DZANK1: variants seen among roughly 807,000 people sequenced by gnomAD.
DZANK1 encodes double zinc ribbon and ankyrin repeat domains 1.
DZANK1 carries 91 observed loss-of-function variants against 94.5 expected under a neutral mutation model. That is an observed-to-expected ratio of 0.96 (90% CI 0.81 to 1.15). DZANK1 has a LOEUF of 1.15. Among genes scored for constraint, DZANK1 ranks in the 50% most tolerant of loss-of-function variants. DZANK1 has a pLI of 0.00. For synonymous variants in DZANK1, 312 were observed against 325.3 expected, an observed-to-expected ratio of 0.96 and a Z score of 0.44; for missense variants, 903 against 916.4, an observed-to-expected ratio of 0.99 and a Z score of 0.19.
intron 18 of DZANK1, 132 bp from the exon 19 acceptor site, chr20:18,389,960 A>T: frequency 7.3e-7 from 1 of 1,361,730 alleles, no homozygotes; most frequent in Non-Finnish European, 9.9e-7. Flanking sequence ...ATCAAAGGAG[A>T]GGAGAATCAG....
In DZANK1 at chr20:18,453,731, C is replaced by A; in HGVS notation, c.475G>T (p.Glu159Ter). The change falls in exon 5 of 21, where the codon GAG becomes TAG. Residue 159 changes from glutamate (E) to a stop codon, truncating the protein, a stop_gained and splice_region_variant. Transcript: ENST00000262547. LOFTEE classifies it high-confidence loss of function. ...TTGTCTTTGTTCTGTCACATCATAC[C>A]TGGAAACTTTCTAAGGTTAACATTC... The A allele has an allele frequency of 6.2e-7, 1 of 1,606,716 alleles. No homozygotes were observed. The highest frequency in any genetic ancestry group is 8.5e-7 in the Non-Finnish European group (1 of 1,174,286).
chr20:18,454,893 T>C lies in DZANK1; in HGVS notation c.378+354A>G, dbSNP rs143183207. On this transcript the variant is annotated intron_variant, in intron 4 of 20. Transcript: ENST00000262547. ...GCATAGCAAACACACTCCAGTTTGG[T>C]TGGAGTATATGTAGGGGGTTGACAG... 2.5e-3 allele frequency among the ~76,000 whole-genome samples: 385 copies of C among 152,162 alleles called. 5 individuals are homozygous for C. The highest frequency in any genetic ancestry group is 0.021 in the Admixed American group (325 of 15,268).
chr20:18,415,316 A>T lies in DZANK1; in HGVS notation c.1077+11T>A. 6.6e-7 allele frequency: 1 copy of T among 1,525,638 alleles called. No homozygotes were observed. 94.5% of individuals were successfully genotyped at this position (1,525,638 alleles called of 1,614,324 possible). The stretch of plus-strand genomic sequence containing the variant: ...GCTCAGTATACAGAATCTCAGTTTT[A>T]AAATACCCACCATGGCTCCACACCA... On this transcript the variant is annotated intron_variant, in intron 11 of 20. Coordinates refer to ENST00000262547, the Ensembl canonical transcript of DZANK1.
At chr20:18,449,940 T>C (rs886101929) in intron 6 of DZANK1, among the ~76,000 whole-genome samples, 1 of 151,204 alleles carries the variant, frequency 6.6e-6, no homozygotes, top group East Asian at 1.9e-4. Flanking sequence ...TAGCAGGGTG[T>C]GGTGGCGCAT....
intron 13 of DZANK1, among the ~76,000 whole-genome samples, chr20:18,402,448 G>T (rs2056737800): frequency 1.3e-5 from 2 of 152,018 alleles, no homozygotes; most frequent in Non-Finnish European, 2.9e-5. Context: ...ATGGATAAGG[G>T]AATGCCTCAA....
At chr20:18,427,884 C>T (rs2058112590) in intron 9 of DZANK1, among the ~76,000 whole-genome samples, 1 of 152,094 alleles carries the variant, frequency 6.6e-6, no homozygotes, top group Non-Finnish European at 1.5e-5. Context: ...GGTGCAGTGG[C>T]TCATGCCTGT....
chr20:18,389,763 C>A, exon 19 of DZANK1: 1 of 1,613,980 alleles, frequency 6.2e-7, no homozygotes, highest in Non-Finnish European at 8.5e-7. Flanking sequence ...CTTCATGGTG[C>A]TTATTCATAA....
chr20:18,398,429 G>T, intron 14 of DZANK1, 94 bp downstream of exon 14: 1 of 1,106,672 alleles, frequency 9.0e-7, no homozygotes. Flanking sequence ...AGGGAAAGGA[G>T]CCAGGCAAGA....
chr20:18,456,336 G>A (rs866546937), intron 3 of DZANK1, among the ~76,000 whole-genome samples: 17 of 152,264 alleles, frequency 1.1e-4, no homozygotes, highest in Middle Eastern at 3.4e-3. Context: ...CAATGTAGCC[G>A]TGCCCATGAC....
chr20:18,393,867 AAC>A (rs2056166141), intron 16 of DZANK1, 56 bp from the exon 17 acceptor site: 5 of 1,164,032 alleles, frequency 4.3e-6, no homozygotes, highest in African/African-American at 3.1e-5. Flanking sequence ...TCCCCACACA[AAC>A]AGTTATTTCT....
At chr20:18,449,214 C>A in intron 6 of DZANK1, 145 bp from the exon 7 acceptor site, 1 of 672,860 alleles carries the variant, frequency 1.5e-6, no homozygotes, top group Non-Finnish European at 2.4e-6. Context: ...ACTATAGACT[C>A]TAAAAGTGGG....
chr20:18,397,985 G>C lies in DZANK1; in HGVS notation c.1536+538C>G, dbSNP rs139241255. On this transcript the variant is annotated intron_variant, in intron 14 of 20. Transcript: ENST00000262547. ...CCGTTAGTCAAACAGTCACAGACCC[G>C]CCCAGATTCAAGGTGAGGGGACACA... is the stretch of plus-strand genomic sequence containing the variant. 2.4e-3 allele frequency among the ~76,000 whole-genome samples: 365 copies of C among 152,260 alleles called. 4 individuals carry two copies. Among genetic ancestry groups the C allele is most frequent in the Admixed American group, 0.02 (305 of 15,290 alleles).
At chr20:18,384,558 A>T in exon 21 of DZANK1, 2 of 1,601,662 alleles carry the variant, frequency 1.2e-6, no homozygotes, top group African/African-American at 1.3e-5. Context: ...GGATGCTTGC[A>T]TTGCATCTGC....
Position 18,433,774 on chromosome 20 carries a change from G to C in DZANK1, c.748-9C>G, listed in dbSNP as rs370330133. On this transcript the variant is annotated splice_polypyrimidine_tract_variant and intron_variant, in intron 8 of 20. Transcript: ENST00000262547. ...TCTGCACACAAGCCCATCTGCACAA[G>C]GAAAAGGTCTGGTTTATCTTGCACA... 2 of 1,611,696 alleles carry C rather than the reference G, an allele frequency of 1.2e-6. No homozygotes were observed. The highest frequency in any genetic ancestry group is 1.1e-5 in the South Asian group (1 of 91,004).
At position 18,460,133 on chromosome 20, in the gene DZANK1, T is replaced by G. The variant is rs374271381; in HGVS notation, c.263+20A>C. 3 of 1,414,088 alleles carry G rather than the reference T, an allele frequency of 2.1e-6. No individual in the cohort carries two copies. The highest frequency in any genetic ancestry group is 2.8e-5 in the African/African-American group (2 of 70,256). 87.6% of individuals were successfully genotyped at this position (1,414,088 alleles called of 1,614,324 possible). Reference sequence around the variant, plus strand: ...GTTATTATATCATAAATTAAATTAATCACCATGCTCTTAACTTACTTAGAG... The same window carrying G: ...GTTATTATATCATAAATTAAATTAAGCACCATGCTCTTAACTTACTTAGAG... On this transcript the variant is annotated intron_variant, in intron 3 of 20. Coordinates refer to ENST00000262547, the Ensembl canonical transcript of DZANK1.
intron 19 of DZANK1, 124 bp downstream of exon 19, chr20:18,389,577 G>A (rs6111937): frequency 7.3e-7 from 1 of 1,371,776 alleles, no homozygotes. Flanking sequence ...AGCTGAAATA[G>A]GTTAAAATGG....
At chr20:18,388,840 A>G (rs556188364) in intron 19 of DZANK1, among the ~76,000 whole-genome samples, 5 of 152,358 alleles carry the variant, frequency 3.3e-5, no homozygotes, top group African/African-American at 9.6e-5. Flanking sequence ...AACACTAGAG[A>G]CAGTTTTGAA....
intron 9 of DZANK1, chr20:18,432,642 C>T (rs2058329453): frequency 6.6e-6 from 1 of 152,182 alleles, no homozygotes. Context: ...TGCCCATATA[C>T]AACCCACAAG....
exon 8 of DZANK1, chr20:18,443,427 A>T: frequency 2.0e-6 from 3 of 1,516,174 alleles, no homozygotes; most frequent in Non-Finnish European, 1.8e-6. Flanking sequence ...AAGCGAGCAA[A>T]GGGATCTGAT....
Sources: gnomAD v4.1 joint callset for allele counts (sites outside exome capture counted in the v4.1 genomes callset) on GRCh38, gnomAD v4.1.1 for gene constraint, MANE v1.5 for transcripts, NCBI Gene and HGNC (gene_info 2026-07-23, HGNC 2026-07-21) for gene names.